WNK3: variants seen among roughly 807,000 people sequenced by gnomAD.
WNK3 encodes the protein WNK lysine deficient protein kinase 3, also known as serine/threonine-protein kinase WNK3.
Under a neutral mutation model 116.7 loss-of-function variants are expected in WNK3, and 18 were observed. The observed-to-expected ratio is 0.15, with a 90% confidence interval of 0.11 to 0.23. The LOEUF (loss-of-function observed/expected upper bound fraction) is 0.23. WNK3 is among the 10% of genes least tolerant of loss of function. The pLI, the probability that WNK3 is intolerant of heterozygous loss-of-function variation, is 1.00. For synonymous variants in WNK3, 404 were observed against 469.4 expected, an observed-to-expected ratio of 0.86 and a Z score of 1.80; for missense variants, 993 against 1,323.8, an observed-to-expected ratio of 0.75 and a Z score of 3.88.
intron 22 of WNK3, among the ~76,000 whole-genome samples, chrX:54,215,602 GGCC>G (rs2067681055): frequency 8.9e-6 from 1 of 111,819 alleles, no homozygotes; most frequent in Non-Finnish European, 1.9e-5. Flanking sequence ...GCCTCTGCCC[GGCC>G]GCCACCCCGT....
chrX:54,239,220 G>A (rs2067997747), intron 17 of WNK3, 121 bp from the exon 18 acceptor site: 14 of 438,175 alleles, frequency 3.2e-5, no homozygotes, highest in Admixed American at 5.3e-5. Flanking sequence ...AAAAAAAAAC[G>A]GAATTTCTTG....
intron 21 of WNK3, among the ~76,000 whole-genome samples, chrX:54,230,276 A>G (rs782006059): frequency 9.0e-6 from 1 of 111,646 alleles, no homozygotes; most frequent in South Asian, 3.7e-4. Flanking sequence ...GTATTATTTA[A>G]CTGCATGTAA....
chrX:54,228,706 ATACT>A lies in WNK3; in HGVS notation c.4870+4_4870+7del, dbSNP rs1231994096. On this transcript the variant is annotated splice_donor_5th_base_variant and intron_variant, in intron 22 of 23. Transcript: ENST00000354646. Reference sequence around the variant, plus strand: ...AATTAAAAGTAAAGAAGCAAAAGAAATACTTACTTTCCAACTCATTTATAAGGCA... The same window carrying A: ...AATTAAAAGTAAAGAAGCAAAAGAAATACTTTCCAACTCATTTATAAGGCA... 4.1e-6 allele frequency: 2 copies of A among 485,747 alleles called. No homozygotes were observed. Among genetic ancestry groups the A allele is most frequent in the Admixed American group, 6.3e-5 (2 of 31,851 alleles). The allele number at this position is 485,747 out of a possible 1,213,427, so 40.0% of individuals were successfully genotyped here. A position where few individuals can be genotyped will look rare whatever the true frequency, so the allele number is the denominator to read the frequency against.
chrX:54,238,242 T>A, intron 19 of WNK3, 100 bp downstream of exon 19: 3 of 1,013,673 alleles, frequency 3.0e-6, no homozygotes, highest in Non-Finnish European at 3.9e-6. Flanking sequence ...CAAAAAAAAA[T>A]AAAAACAAAA....
chrX:54,312,047 C>T (rs1332829256), intron 2 of WNK3, among the ~76,000 whole-genome samples: 4 of 111,148 alleles, frequency 3.6e-5, no homozygotes, highest in East Asian at 2.8e-4. Flanking sequence ...GGGCTGGGCA[C>T]GGTGGCTCAC....
At chrX:54,208,188 G>A (rs963822115) in intron 22 of WNK3, among the ~76,000 whole-genome samples, 11 of 110,144 alleles carry the variant, frequency 1.0e-4, no homozygotes, top group Non-Finnish European at 1.9e-4. Flanking sequence ...GCAGTGGCGC[G>A]ATCTCAGCTC....
At chrX:54,211,624 T>G (rs921763140) in intron 22 of WNK3, among the ~76,000 whole-genome samples, 1 of 109,496 alleles carries the variant, frequency 9.1e-6, no homozygotes, top group Admixed American at 9.9e-5. Context: ...GCCAATATGG[T>G]GAAACATCGT....
intron 1 of WNK3, among the ~76,000 whole-genome samples, chrX:54,350,278 C>T (rs1047986182): frequency 4.5e-5 from 5 of 110,234 alleles, no homozygotes; most frequent in African/African-American, 1.3e-4. Flanking sequence ...GGCGTGGTGG[C>T]GGGCACCTAT....
chrX:54,204,861 A>G (rs2067535869), intron 22 of WNK3, among the ~76,000 whole-genome samples: 1 of 112,331 alleles, frequency 8.9e-6, no homozygotes, highest in African/African-American at 3.2e-5. Flanking sequence ...TTTTGTGCCC[A>G]ATCCCTTCAG....
chrX:54,278,582 C>T (rs1557161556), intron 10 of WNK3, among the ~76,000 whole-genome samples: 1 of 110,416 alleles, frequency 9.1e-6, no homozygotes, highest in African/African-American at 3.3e-5. Flanking sequence ...AGAAAAGACC[C>T]ACGCAAATAA....
chrX:54,354,655 G>A (rs2069568187), intron 1 of WNK3, among the ~76,000 whole-genome samples: 1 of 110,724 alleles, frequency 9.0e-6, no homozygotes, highest in Non-Finnish European at 1.9e-5. Context: ...TGACAAACCT[G>A]CACATCCTGC....
At chrX:54,344,301 G>C (rs1178948229) in intron 1 of WNK3, among the ~76,000 whole-genome samples, 1 of 110,449 alleles carries the variant, frequency 9.1e-6, no homozygotes, top group Non-Finnish European at 1.9e-5. Context: ...AAATTAGCCG[G>C]GCGTCGTGGC....
chrX:54,252,952 A>G (rs1557154673), intron 13 of WNK3, among the ~76,000 whole-genome samples: 2 of 110,208 alleles, frequency 1.8e-5, no homozygotes, highest in African/African-American at 6.6e-5. Context: ...AATAAAAAAA[A>G]ATAATAAAAT....
chrX:54,243,901 G>T (rs1175778019), intron 17 of WNK3, among the ~76,000 whole-genome samples: 1 of 111,770 alleles, frequency 8.9e-6, no homozygotes, highest in Admixed American at 9.5e-5. Flanking sequence ...CCAATGAATG[G>T]ATAAACAAAA....
chrX:54,275,145 G>T (rs1251379875), intron 10 of WNK3, among the ~76,000 whole-genome samples: 1 of 109,332 alleles, frequency 9.1e-6, no homozygotes, highest in Non-Finnish European at 1.9e-5. Context: ...GTGAAACCTC[G>T]TCTCTACTAA....
chrX:54,296,204 T>C (rs1357844978), intron 7 of WNK3, among the ~76,000 whole-genome samples: 3 of 111,541 alleles, frequency 2.7e-5, no homozygotes, highest in Non-Finnish European at 3.8e-5. Flanking sequence ...GAGAAGATCA[T>C]TTGAGGAGGT....
At chrX:54,232,924 T>C (rs782341567) in exon 21 of WNK3, 43 of 1,208,716 alleles carry the variant, frequency 3.6e-5, no homozygotes, top group South Asian at 7.0e-5. Flanking sequence ...TCTCAGTAGA[T>C]TGGGTTTTGC....
At chrX:54,347,347 G>A (rs1252074752) in intron 1 of WNK3, among the ~76,000 whole-genome samples, 3 of 111,412 alleles carry the variant, frequency 2.7e-5, no homozygotes, top group Non-Finnish European at 5.6e-5. Context: ...TTAGCTGGGC[G>A]TGGTGGCATG....
intron 17 of WNK3, among the ~76,000 whole-genome samples, chrX:54,247,962 G>A (rs192777212): frequency 9.0e-6 from 1 of 111,504 alleles, no homozygotes; most frequent in African/African-American, 3.2e-5. Flanking sequence ...AAATAAGTCA[G>A]GCCAGGCACA....
Sources: gnomAD v4.1 joint callset for allele counts (sites outside exome capture counted in the v4.1 genomes callset) on GRCh38, gnomAD v4.1.1 for gene constraint, MANE v1.5 for transcripts, NCBI Gene and HGNC (gene_info 2026-07-23, HGNC 2026-07-21) for gene names.